The following CCM2 variants were observed in gnomAD, a reference collection of about 807,000 sequenced individuals.
CCM2 encodes the protein CCM2 scaffold protein.
Under a neutral mutation model 44.9 loss-of-function variants are expected in CCM2, and 25 were observed. That is an observed-to-expected ratio of 0.56 (90% CI 0.41 to 0.78). The LOEUF (loss-of-function observed/expected upper bound fraction) is 0.78, where lower values mean the gene tolerates loss of function less well. CCM2 is among the 30% of genes least tolerant of loss of function. The pLI is 0.00. For synonymous variants in CCM2, 219 were observed against 241.1 expected (o/e 0.91, Z 0.85); for missense variants, 481 against 580.6 (o/e 0.83, Z 1.76).
intron 1 of CCM2, among the ~76,000 whole-genome samples, chr7:45,002,658 G>A (rs562827485): frequency 6.6e-6 from 1 of 152,224 alleles, no homozygotes; most frequent in East Asian, 1.9e-4. Flanking sequence ...ACGGAAACTT[G>A]GCCCCAGTGT....
intron 1 of CCM2, among the ~76,000 whole-genome samples, chr7:45,020,445 C>T (rs1175320628): frequency 6.6e-6 from 1 of 152,006 alleles, no homozygotes; most frequent in African/African-American, 2.4e-5. Context: ...GGTGGAATGG[C>T]ATTTTTATCT....
At chr7:45,060,897 A>G (rs79691489) in intron 2 of CCM2, among the ~76,000 whole-genome samples, 1,573 of 152,210 alleles carry the variant, frequency 0.01, 28 homozygotes, top group African/African-American at 0.036. Context: ...TAAATTCCCA[A>G]TCTGGTAGTT....
intron 1 of CCM2, among the ~76,000 whole-genome samples, chr7:45,004,140 C>T (rs374537497): frequency 6.6e-6 from 1 of 151,942 alleles, no homozygotes; most frequent in Non-Finnish European, 1.5e-5. Context: ...GATTGTGCCA[C>T]CACCTGAGTG....
At chr7:45,059,429 A>G (rs538662564) in intron 2 of CCM2, among the ~76,000 whole-genome samples, 254 of 115,492 alleles carry the variant, frequency 2.2e-3, no homozygotes, top group Middle Eastern at 5.6e-3. Context: ...AAAAAAAAAA[A>G]AAAGAAAGAA....
chr7:45,027,682 A>G (rs779628972), intron 1 of CCM2: 18 of 1,614,030 alleles, frequency 1.1e-5, no homozygotes, highest in South Asian at 8.8e-5. Flanking sequence ...ATATTTTTCA[A>G]CAAATTCAGA....
chr7:45,068,392 C>T (rs1469433637), intron 4 of CCM2, 51 bp from the exon 5 acceptor site: 1 of 1,612,728 alleles, frequency 6.2e-7, no homozygotes, highest in South Asian at 1.1e-5. Flanking sequence ...CTCAAGTGCC[C>T]CCATGCCTGC....
chr7:45,073,410 G>A (rs751168614), intron 7 of CCM2, 50 bp from the exon 8 acceptor site: 2 of 1,274,274 alleles, frequency 1.6e-6, no homozygotes, highest in Non-Finnish European at 1.1e-6. Context: ...AACGTGTGTG[G>A]GATGGAGGGT....
chr7:45,023,671 T>C (rs75161872), intron 1 of CCM2, among the ~76,000 whole-genome samples: 1 of 151,798 alleles, frequency 6.6e-6, no homozygotes, highest in South Asian at 2.1e-4. Context: ...TGCCTTGTTA[T>C]TGTGAATGAG....
chr7:45,030,911 A>T (rs966334908), intron 1 of CCM2, among the ~76,000 whole-genome samples: 57 of 151,610 alleles, frequency 3.8e-4, no homozygotes, highest in African/African-American at 1.4e-3. Flanking sequence ...TTTAGTAGAG[A>T]CGGGGTTTCA....
intron 6 of CCM2, chr7:45,072,474 T>G: frequency 1.6e-6 from 1 of 606,994 alleles, no homozygotes; most frequent in South Asian, 1.9e-5. Flanking sequence ...GAATGTGTAC[T>G]TCAGCCCAGC....
rs1380841842 is a variant in CCM2 at position 45,072,777 on chromosome 7, G to C, written c.797G>C (p.Ser266Thr). Residue 266 changes from serine (S) to threonine (T), a missense_variant, in exon 7 of 10, where the codon AGC becomes ACC. By Grantham distance (58) the Ser-to-Thr change is moderately conservative (BLOSUM62 1). Transcript: ENST00000258781. ...DIKETYEVEA[S>T]TFCFPESVDV... ...AAGGAGACCTACGAGGTGGAAGCCA[G>C]CACTTTGTGAGTGCACATGCCACCA... 6.2e-7 allele frequency: 1 copy of C among 1,612,060 alleles called. No homozygotes were observed. The highest frequency in any genetic ancestry group is 1.7e-5 in the Admixed American group (1 of 60,020).
intron 1 of CCM2, among the ~76,000 whole-genome samples, chr7:45,023,479 G>T (rs2128719831): frequency 6.6e-6 from 1 of 152,298 alleles, no homozygotes; most frequent in African/African-American, 2.4e-5. Context: ...GAACTTGGGA[G>T]GTGGAGGTTG....
At position 45,023,787 on chromosome 7, in the gene CCM2, G is replaced by GTTTTTTTTTTTTTTTTTTT. The variant is rs10596429; in HGVS notation, c.31-14446_31-14428dup. Among the ~76,000 whole-genome samples the GTTTTTTTTTTTTTTTTTTT allele has an allele frequency of 8.5e-5, 5 of 58,614 alleles. 1 individual carries two copies. Among genetic ancestry groups the GTTTTTTTTTTTTTTTTTTT allele is most frequent in the African/African-American group, 7.6e-5 (1 of 13,190 alleles). The allele number at this position is 58,614 out of a possible 152,430, so 38.5% of individuals were successfully genotyped here. ...TCATTATTTTGATAGCTCTGTATCAGTTTTTTTTTTTTTTTTTTTTTTTTT... is the reference window on the plus strand; with the variant it reads ...TCATTATTTTGATAGCTCTGTATCAGTTTTTTTTTTTTTTTTTTTTTTTTTTTTTTTTTTTTTTTTTTTT... On this transcript the variant is annotated intron_variant, in intron 1 of 9. Coordinates refer to ENST00000258781, the MANE Select transcript of CCM2 (RefSeq NM_031443.4).
intron 1 of CCM2, among the ~76,000 whole-genome samples, chr7:45,002,154 A>T (rs1795663055): frequency 6.6e-6 from 1 of 152,240 alleles, no homozygotes; most frequent in South Asian, 2.1e-4. Flanking sequence ...AATCATTCTC[A>T]TTAAGGTAAA....
intron 1 of CCM2, among the ~76,000 whole-genome samples, chr7:45,029,127 G>A (rs1796836435): frequency 1.3e-5 from 2 of 152,136 alleles, no homozygotes; most frequent in South Asian, 4.1e-4. Context: ...CTGTGCAGTT[G>A]CGGTTTGTCT....
At chr7:45,044,820 TTTCCTTCC>T (rs968821913) in intron 2 of CCM2, among the ~76,000 whole-genome samples, 3 of 152,164 alleles carry the variant, frequency 2.0e-5, no homozygotes, top group Admixed American at 2.0e-4. Flanking sequence ...TGATTCTTAT[TTTCCTTCC>T]TTCCTTCCTT....
chr7:45,000,290 T>A lies in CCM2; in HGVS notation c.-44T>A. The stretch of plus-strand genomic sequence containing the variant: ...ATGTAGCGGCTGCTGGCGGCGGGGC[T>A]CCCGGGGCGGGCCGGGCGGGCCGCG... On this transcript the variant is annotated 5_prime_UTR_variant, in exon 1 of 10. Transcript: ENST00000258781. 8.5e-7 allele frequency: 1 copy of A among 1,175,310 alleles called. No homozygotes were observed. The highest frequency in any genetic ancestry group is 1.1e-6 in the Non-Finnish European group (1 of 948,890). The allele number at this position is 1,175,310 out of a possible 1,614,324, so 72.8% of individuals were successfully genotyped here.
Position 45,038,317 on chromosome 7 carries a change from C to A in CCM2, c.95C>A (p.Ala32Asp), listed in dbSNP as rs753670430. 2 of 1,614,134 alleles carry A rather than the reference C, an allele frequency of 1.2e-6. No homozygotes were observed. The highest frequency in any genetic ancestry group is 2.2e-5 in the South Asian group (2 of 91,072). The change falls in exon 2 of 10, where the codon GCC becomes GAC. Residue 32 changes from alanine to aspartate, a missense_variant. Transcript: ENST00000258781. ...GGTGAAAAGAGTAGAGATAAGAAAG[C>A]CCATGAGAAGGTGACAGAGAGGCGC... ...LKGEKSRDKK[A>D]HEKVTERRPL...
intron 1 of CCM2, among the ~76,000 whole-genome samples, chr7:45,033,690 G>A (rs1797075374): frequency 6.6e-6 from 1 of 152,192 alleles, no homozygotes; most frequent in African/African-American, 2.4e-5. Context: ...GAAAAGCTGG[G>A]CTCATGGGCC....
Sources: gnomAD v4.1 joint callset for allele counts (sites outside exome capture counted in the v4.1 genomes callset) on GRCh38, gnomAD v4.1.1 for gene constraint, MANE v1.5 for transcripts, NCBI Gene and HGNC (gene_info 2026-07-23, HGNC 2026-07-21) for gene names.